Variants in EPN2 observed in about 807,000 individuals in gnomAD.
EPN2 encodes epsin 2.
EPN2 carries 34 observed loss-of-function variants against 61.7 expected under a neutral mutation model. The observed-to-expected ratio is 0.55, with a 90% CI of 0.42 to 0.73. The LOEUF is 0.73. Ranked by LOEUF, EPN2 falls within the 30% of genes least tolerant of loss-of-function variation. The probability of loss-of-function intolerance (pLI) is 0.00; values close to 1 mark genes in which losing one functional copy is unlikely to be tolerated. For missense variants in EPN2, 714 were observed against 839.2 expected (o/e 0.85, Z 1.84); for synonymous variants, 349 against 353.6 (o/e 0.99, Z 0.15).
intron 1 of EPN2, among the ~76,000 whole-genome samples, chr17:19,267,091 G>A (rs1219613132): frequency 7.9e-5 from 12 of 151,236 alleles, no homozygotes; most frequent in Non-Finnish European, 1.5e-4. Context: ...CGCCTGCCTC[G>A]GCCTCCCAAA....
At chr17:19,239,403 C>T (rs2044857749) in intron 1 of EPN2, among the ~76,000 whole-genome samples, 1 of 152,206 alleles carries the variant, frequency 6.6e-6, no homozygotes, top group African/African-American at 2.4e-5. Flanking sequence ...CCGCCCACCT[C>T]GGCCTCCCAA....
intron 7 of EPN2, among the ~76,000 whole-genome samples, chr17:19,316,801 C>T (rs1192536183): frequency 6.6e-6 from 1 of 152,192 alleles, no homozygotes; most frequent in Non-Finnish European, 1.5e-5. Context: ...TTTTGCAGTT[C>T]TGGCACTCTG....
At chr17:19,249,994 T>G (rs2044996134) in intron 1 of EPN2, among the ~76,000 whole-genome samples, 1 of 152,196 alleles carries the variant, frequency 6.6e-6, no homozygotes, top group African/African-American at 2.4e-5. Flanking sequence ...TGACCCTGAC[T>G]CTTCTGCCTC....
At chr17:19,258,147 T>TGGTGCA (rs1390685974) in intron 1 of EPN2, 3 of 163,352 alleles carry the variant, frequency 1.8e-5, no homozygotes, top group African/African-American at 7.2e-5. Flanking sequence ...AGGTGGCTGC[T>TGGTGCA]GGTGCTGGTG....
chr17:19,246,229 A>G (rs1260102673), intron 1 of EPN2, among the ~76,000 whole-genome samples: 3 of 152,112 alleles, frequency 2.0e-5, no homozygotes, highest in African/African-American at 7.2e-5. Context: ...GTGGTGGCGC[A>G]TGCCTGTAGT....
chr17:19,289,732 T>TTTTTTTTTTTTTTTTTTG (rs1555599970), intron 4 of EPN2, among the ~76,000 whole-genome samples: 1 of 132,412 alleles, frequency 7.6e-6, no homozygotes, highest in African/African-American at 2.8e-5. Context: ...TGGTTTTTTT[T>TTTTTTTTTTTTTTTTTTG]TTTTTTTTTT....
chr17:19,317,735 G>A (rs1049875914), intron 7 of EPN2, among the ~76,000 whole-genome samples: 1 of 152,184 alleles, frequency 6.6e-6, no homozygotes, highest in African/African-American at 2.4e-5. Context: ...ATGTGGCATG[G>A]CCTGGACCCT....
intron 1 of EPN2, among the ~76,000 whole-genome samples, chr17:19,268,750 A>G (rs1314261722): frequency 6.6e-6 from 1 of 152,212 alleles, no homozygotes; most frequent in African/African-American, 2.4e-5. Flanking sequence ...GAACACGGGT[A>G]GGCACATGGT....
intron 7 of EPN2, among the ~76,000 whole-genome samples, chr17:19,323,607 C>T (rs541757734): frequency 4.6e-5 from 7 of 152,308 alleles, no homozygotes; most frequent in African/African-American, 1.7e-4. Flanking sequence ...GGATAGCTAA[C>T]TTATTGACAG....
intron 1 of EPN2, among the ~76,000 whole-genome samples, chr17:19,238,635 T>C (rs189268789): frequency 3.7e-4 from 56 of 152,322 alleles, no homozygotes; most frequent in Admixed American, 9.8e-4. Context: ...GGTCACGCAG[T>C]GATACTGTGT....
intron 1 of EPN2, among the ~76,000 whole-genome samples, chr17:19,247,111 A>AT (rs1352383128): frequency 2.0e-5 from 3 of 152,158 alleles, no homozygotes; most frequent in African/African-American, 7.2e-5. Flanking sequence ...CCTGGGATAT[A>AT]ATGACTATAC....
chr17:19,246,682 C>G (rs1279168504), intron 1 of EPN2, among the ~76,000 whole-genome samples: 3 of 147,760 alleles, frequency 2.0e-5, no homozygotes, highest in African/African-American at 7.5e-5. Flanking sequence ...CCGCCCCCCC[C>G]AAAAAAATAT....
intron 9 of EPN2, chr17:19,330,583 A>G (rs1907113620): frequency 6.6e-6 from 1 of 152,286 alleles, no homozygotes; most frequent in African/African-American, 2.4e-5. Flanking sequence ...CCTTTGCTGC[A>G]TTAATAAGAT....
chr17:19,245,662 C>CT (rs763020481), intron 1 of EPN2, among the ~76,000 whole-genome samples: 9,731 of 132,920 alleles, frequency 0.073, 1,117 homozygotes, highest in African/African-American at 0.25. Flanking sequence ...GTCTTGATCT[C>CT]TTTTTTTTTT....
chr17:19,303,236 TCA>T (rs1313267747), intron 4 of EPN2, among the ~76,000 whole-genome samples: 1 of 152,200 alleles, frequency 6.6e-6, no homozygotes, highest in South Asian at 2.1e-4. Context: ...ACAGCCACTG[TCA>T]CACACACAGT....
At chr17:19,286,103 CT>C (rs2045402247) in intron 4 of EPN2, among the ~76,000 whole-genome samples, 2 of 152,214 alleles carry the variant, frequency 1.3e-5, no homozygotes, top group Non-Finnish European at 2.9e-5. Context: ...CTGGAGGGGG[CT>C]CTGCCACCTA....
chr17:19,285,869 C>G lies in EPN2; in HGVS notation c.766+79C>G. 1 of 1,439,620 alleles carries G rather than the reference C, an allele frequency of 6.9e-7. No homozygotes were observed. Among genetic ancestry groups the G allele is most frequent in the Non-Finnish European group, 9.2e-7 (1 of 1,086,552 alleles). The allele number at this position is 1,439,620 out of a possible 1,614,324, so 89.2% of individuals were successfully genotyped here. The stretch of plus-strand genomic sequence containing the variant: ...GGGTGTGCTTGCCATGCCAGTACAG[C>G]CAACTCTCTCCCTGTCTCCTCTGGG... On this transcript the variant is annotated intron_variant, in intron 4 of 10. Coordinates refer to ENST00000314728, the MANE Select transcript of EPN2 (RefSeq NM_014964.5). This position sits in a 1 kb window ranked among gnomAD's most constrained non-coding sequence, Gnocchi z 4.5.
chr17:19,316,408 G>A (rs1304253293), intron 7 of EPN2, among the ~76,000 whole-genome samples: 1 of 152,204 alleles, frequency 6.6e-6, no homozygotes, highest in African/African-American at 2.4e-5. Context: ...TTGGGGAGGA[G>A]ATAGGCCACC....
Position 19,334,070 on chromosome 17 carries a change from C to T in EPN2, c.1742C>T (p.Pro581Leu), listed in dbSNP as rs1393885104. The stretch of plus-strand genomic sequence containing the variant: ...CTGGGGACCAGCACATCCTTTGGGC[C>T]TGGCCCAGGAGTGGAGTCCATGGCT... ...PVLGTSTSFG[P>L]GPGVESMAVA... Residue 581 changes from proline to leucine, a missense_variant, in exon 11 of 11, where the codon CCT becomes CTT. Coordinates refer to ENST00000314728, the MANE Select transcript of EPN2 (RefSeq NM_014964.5). The surrounding 1 kb of genome is among the most constrained non-coding windows in gnomAD (Gnocchi z 4.9). 6.2e-7 allele frequency: 1 copy of T among 1,610,380 alleles called. No homozygotes were observed. Among genetic ancestry groups the T allele is most frequent in the South Asian group, 1.1e-5 (1 of 90,252 alleles).
Sources: allele counts gnomAD v4.1 joint callset (sites outside exome capture counted in the v4.1 genomes callset), GRCh38; gene constraint gnomAD v4.1.1; non-coding constraint Gnocchi (gnomAD v3.1); transcripts MANE v1.5; gene names NCBI Gene and HGNC (gene_info 2026-07-23, HGNC 2026-07-21).